CNTNAP2: variants seen among roughly 807,000 people sequenced by gnomAD.
The protein encoded by CNTNAP2 is contactin associated protein 2.
A neutral mutation model predicts 155.2 loss-of-function variants in CNTNAP2; 98 were observed. The ratio of observed to expected loss-of-function variants is 0.63; its 90% CI spans 0.54 to 0.75. The LOEUF is 0.75. Ranked by LOEUF, CNTNAP2 falls within the 30% of genes least tolerant of loss-of-function variation. CNTNAP2 has a pLI of 0.00. For synonymous variants in CNTNAP2, 651 were observed against 631.2 expected (o/e 1.03, Z -0.47); for missense variants, 1,727 against 1,688.1 (o/e 1.02, Z -0.40).
At chr7:147,596,934 C>T (rs1800836148) in intron 12 of CNTNAP2, among the ~76,000 whole-genome samples, 2 of 152,172 alleles carry the variant, frequency 1.3e-5, no homozygotes, top group African/African-American at 4.8e-5. Context: ...TGACAATTTA[C>T]AAATGCCATG....
intron 13 of CNTNAP2, among the ~76,000 whole-genome samples, chr7:147,765,226 C>T (rs760566108): frequency 1.3e-5 from 2 of 152,120 alleles, no homozygotes; most frequent in Admixed American, 1.3e-4. Flanking sequence ...TTCAAAAGTG[C>T]CATTCATTTC....
intron 1 of CNTNAP2, among the ~76,000 whole-genome samples, chr7:146,160,924 T>C (rs887139492): frequency 1.3e-5 from 2 of 151,990 alleles, no homozygotes; most frequent in Admixed American, 6.6e-5. Flanking sequence ...GACCAATATC[T>C]CTGATGAATA....
At chr7:146,199,799 C>A (rs7787269) in intron 1 of CNTNAP2, among the ~76,000 whole-genome samples, 46,288 of 151,982 alleles carry the variant, frequency 0.3, 8,238 homozygotes, top group African/African-American at 0.49. Flanking sequence ...ATTCATTTAC[C>A]TTTTAATAAA....
At chr7:147,581,994 G>A (rs910063001) in intron 12 of CNTNAP2, among the ~76,000 whole-genome samples, 1 of 152,032 alleles carries the variant, frequency 6.6e-6, no homozygotes, top group Non-Finnish European at 1.5e-5. Context: ...AGAGATTTTA[G>A]AAGAAAAAGA....
intron 3 of CNTNAP2, among the ~76,000 whole-genome samples, chr7:146,976,092 T>C (rs1288743002): frequency 6.6e-6 from 1 of 152,142 alleles, no homozygotes; most frequent in African/African-American, 2.4e-5. Flanking sequence ...TGAAATATGG[T>C]GTCAAGTTTG....
At chr7:148,261,789 T>C (rs4640984) in intron 20 of CNTNAP2, among the ~76,000 whole-genome samples, 1 of 151,886 alleles carries the variant, frequency 6.6e-6, no homozygotes, top group African/African-American at 2.4e-5. Context: ...TCACAGAGGG[T>C]TCTCTTAAAA....
chr7:147,700,042 A>G (rs1358801857), intron 13 of CNTNAP2, among the ~76,000 whole-genome samples: 1 of 152,136 alleles, frequency 6.6e-6, no homozygotes, highest in Admixed American at 6.6e-5. Flanking sequence ...AATGTGGAAA[A>G]TGTATTATTT....
At chr7:147,987,055 TGA>T (rs1035720372) in intron 15 of CNTNAP2, among the ~76,000 whole-genome samples, 1 of 152,112 alleles carries the variant, frequency 6.6e-6, no homozygotes, top group African/African-American at 2.4e-5. Flanking sequence ...TACTAACAAC[TGA>T]GAAGCAGTAG....
At chr7:147,863,956 CT>C (rs1799180465) in intron 13 of CNTNAP2, among the ~76,000 whole-genome samples, 1 of 152,114 alleles carries the variant, frequency 6.6e-6, no homozygotes, top group South Asian at 2.1e-4. Flanking sequence ...TCTATTTTGG[CT>C]TTTGTTGCCA....
chr7:148,375,774 C>CTCATAATATCACATCGCCCTCCCCA (rs1585319970), intron 21 of CNTNAP2, among the ~76,000 whole-genome samples: 9 of 76,566 alleles, frequency 1.2e-4, no homozygotes, highest in South Asian at 4.0e-4. Flanking sequence ...GCAGGTGGAT[C>CTCATAATATCACATCGCCCTCCCCA]ACGAGGTCAG....
At chr7:147,840,651 C>G (rs1798713298) in intron 13 of CNTNAP2, among the ~76,000 whole-genome samples, 2 of 152,098 alleles carry the variant, frequency 1.3e-5, no homozygotes. Flanking sequence ...AAAAATCACT[C>G]TGGTCACAGT....
intron 1 of CNTNAP2, among the ~76,000 whole-genome samples, chr7:146,657,241 A>T (rs572274714): frequency 1.3e-5 from 2 of 152,250 alleles, no homozygotes; most frequent in Non-Finnish European, 2.9e-5. Flanking sequence ...CTGAGCTTTC[A>T]TCCTGTTTAT....
chr7:146,542,752 T>C (rs1797970557), intron 1 of CNTNAP2, among the ~76,000 whole-genome samples: 1 of 152,004 alleles, frequency 6.6e-6, no homozygotes, highest in Non-Finnish European at 1.5e-5. Flanking sequence ...TCATCTAGGT[T>C]ATGATAAATA....
intron 8 of CNTNAP2, among the ~76,000 whole-genome samples, chr7:147,289,006 C>T (rs1179248638): frequency 6.6e-6 from 1 of 152,122 alleles, no homozygotes; most frequent in Non-Finnish European, 1.5e-5. Flanking sequence ...ACCTCATATA[C>T]ATTATGACTC....
intron 3 of CNTNAP2, among the ~76,000 whole-genome samples, chr7:146,926,298 A>G (rs747307517): frequency 6.6e-6 from 1 of 151,782 alleles, no homozygotes; most frequent in Non-Finnish European, 1.5e-5. Context: ...AAAAATTTTA[A>G]CTTTCTTGAA....
Position 146,249,477 on chromosome 7 carries a change from G to A in CNTNAP2, c.97+132504G>A, listed in dbSNP as rs189696646. ...CTTGTGTGTCTCTGTGAGTGACTGT[G>A]TGGAAAGAACTTATCTGACTCACTC... On this transcript the variant is annotated intron_variant, in intron 1 of 23. Coordinates refer to ENST00000361727, the MANE Select transcript of CNTNAP2 (RefSeq NM_014141.6). Among the ~76,000 whole-genome samples the A allele has an allele frequency of 4.0e-4, 61 of 152,276 alleles. No individual in the cohort carries two copies. The East Asian group carries it at 7.3e-3, about 18-fold the overall frequency.
At chr7:147,735,532 T>G (rs923022790) in intron 13 of CNTNAP2, among the ~76,000 whole-genome samples, 3 of 152,178 alleles carry the variant, frequency 2.0e-5, no homozygotes, top group Admixed American at 6.5e-5. Flanking sequence ...TAGATGTCTA[T>G]TAGGTCCACT....
In CNTNAP2 at chr7:146,206,750, TTTCTTTAA is replaced by T. The variant is rs1798953016; in HGVS notation, c.97+89779_97+89786del. Among the ~76,000 whole-genome samples, 3 of 151,936 alleles carry T rather than the reference TTTCTTTAA, an allele frequency of 2.0e-5. No homozygotes were observed. The South Asian group carries it at 6.2e-4, about 31-fold the overall frequency. On this transcript the variant is annotated intron_variant, in intron 1 of 23. Coordinates refer to ENST00000361727, the MANE Select transcript of CNTNAP2 (RefSeq NM_014141.6). ...CAATTCACCAGTCCATGTTCAGGTG[TTTCTTTAA>T]TGTCAGACCTCAACAACAACACTTT...
At chr7:147,506,261 T>G (rs1236287280) in intron 11 of CNTNAP2, among the ~76,000 whole-genome samples, 3 of 152,148 alleles carry the variant, frequency 2.0e-5, no homozygotes, top group South Asian at 2.1e-4. Flanking sequence ...TTGTTCTGTT[T>G]GTTTTTTGTT....
Sources: allele counts gnomAD v4.1 joint callset (sites outside exome capture counted in the v4.1 genomes callset), GRCh38; gene constraint gnomAD v4.1.1; transcripts MANE v1.5; gene names NCBI Gene and HGNC (gene_info 2026-07-23, HGNC 2026-07-21).